BMPER: variants seen among roughly 807,000 people sequenced by gnomAD.
BMPER encodes BMP binding endothelial regulator, also known as BMP-binding endothelial regulator protein.
Under a neutral mutation model 87.3 loss-of-function variants are expected in BMPER, and 45 were observed. The observed-to-expected ratio is 0.52, with a 90% CI of 0.41 to 0.66. The LOEUF (loss-of-function observed/expected upper bound fraction) is 0.66. Ranked by LOEUF, BMPER falls within the 30% of genes least tolerant of loss-of-function variation. BMPER has a pLI of 0.00. For synonymous variants in BMPER, 326 were observed against 316.2 expected, an observed-to-expected ratio of 1.03 and a Z score of -0.33; for missense variants, 784 against 867.5, an observed-to-expected ratio of 0.90 and a Z score of 1.21.
intron 8 of BMPER, among the ~76,000 whole-genome samples, chr7:34,054,380 A>C (rs1270400328): frequency 2.0e-5 from 3 of 152,208 alleles, no homozygotes; most frequent in South Asian, 2.1e-4. Flanking sequence ...TTAAACAAGA[A>C]ATCAAGATAT....
At chr7:34,042,174 C>T (rs777130820) in intron 6 of BMPER, among the ~76,000 whole-genome samples, 5 of 152,028 alleles carry the variant, frequency 3.3e-5, no homozygotes, top group East Asian at 3.9e-4. Flanking sequence ...AATAAAGGAG[C>T]GGAAATAGAC....
At chr7:33,934,101 C>T (rs1190444114) in intron 2 of BMPER, among the ~76,000 whole-genome samples, 1 of 152,208 alleles carries the variant, frequency 6.6e-6, no homozygotes, top group African/African-American at 2.4e-5. Context: ...GGGGATGAGG[C>T]AGCCCAGGGG....
At chr7:33,925,652 A>G (rs1183483678) in intron 2 of BMPER, among the ~76,000 whole-genome samples, 2 of 152,240 alleles carry the variant, frequency 1.3e-5, no homozygotes. Context: ...ACAATTTCAT[A>G]GAGCAAGAAA....
At chr7:34,124,554 T>C (rs1200087604) in intron 13 of BMPER, among the ~76,000 whole-genome samples, 1 of 152,136 alleles carries the variant, frequency 6.6e-6, no homozygotes, top group African/African-American at 2.4e-5. Context: ...AAAACTGTTT[T>C]TATAGCTGAT....
chr7:33,963,192 A>G (rs1440932868), intron 3 of BMPER, among the ~76,000 whole-genome samples: 1 of 152,154 alleles, frequency 6.6e-6, no homozygotes, highest in African/African-American at 2.4e-5. Context: ...TTCTATTCTA[A>G]ACGTCAACAC....
intron 7 of BMPER, among the ~76,000 whole-genome samples, chr7:34,047,497 TC>T (rs1464977176): frequency 6.6e-6 from 1 of 152,056 alleles, no homozygotes; most frequent in African/African-American, 2.4e-5. Flanking sequence ...CTGGATGGTC[TC>T]GATCTCCTGA....
chr7:33,910,994 A>C (rs1783946586), intron 2 of BMPER, among the ~76,000 whole-genome samples: 1 of 152,238 alleles, frequency 6.6e-6, no homozygotes, highest in Non-Finnish European at 1.5e-5. Context: ...GTGTGTATGC[A>C]CGTGTGAAAC....
chr7:33,966,226 A>T (rs1412304957), intron 3 of BMPER, among the ~76,000 whole-genome samples: 1 of 152,200 alleles, frequency 6.6e-6, no homozygotes, highest in Non-Finnish European at 1.5e-5. Context: ...AGAGTTCATC[A>T]ATCTATGGCT....
At chr7:33,998,347 C>G (rs988468030) in intron 6 of BMPER, among the ~76,000 whole-genome samples, 3 of 152,146 alleles carry the variant, frequency 2.0e-5, no homozygotes, top group South Asian at 4.2e-4. Context: ...CTCTAATGGG[C>G]CCTTCTATGG....
chr7:34,001,048 C>CT (rs1040360825), intron 6 of BMPER, among the ~76,000 whole-genome samples: 14 of 151,486 alleles, frequency 9.2e-5, no homozygotes, highest in Non-Finnish European at 1.5e-4. Flanking sequence ...CATGCTATAT[C>CT]TTTTTTTTAT....
intron 12 of BMPER, 105 bp downstream of exon 12, chr7:34,079,291 C>A: frequency 6.9e-7 from 1 of 1,457,066 alleles, no homozygotes; most frequent in Non-Finnish European, 9.4e-7. Context: ...CTCCTCCGAG[C>A]AAAAACCCAA....
At chr7:34,120,544 G>A (rs900816747) in intron 13 of BMPER, among the ~76,000 whole-genome samples, 32 of 152,078 alleles carry the variant, frequency 2.1e-4, no homozygotes, top group African/African-American at 7.0e-4. Context: ...AATTACAGGC[G>A]TGCACCATCA....
At chr7:33,954,447 A>C (rs1256577178) in intron 3 of BMPER, among the ~76,000 whole-genome samples, 1 of 152,170 alleles carries the variant, frequency 6.6e-6, no homozygotes, top group Non-Finnish European at 1.5e-5. Context: ...GTTTTTGTTG[A>C]TATCACATTA....
intron 6 of BMPER, among the ~76,000 whole-genome samples, chr7:34,024,390 T>A (rs56110632): frequency 0.024 from 156 of 6,468 alleles, no homozygotes; most frequent in African/African-American, 0.09. Context: ...AAACAATATA[T>A]ATATATATAT....
Position 34,085,764 on chromosome 7 carries a change from A to G in BMPER, c.1417A>G (p.Ile473Val), listed in dbSNP as rs1268108592. The G allele has an allele frequency of 2.5e-6, 4 of 1,613,936 alleles. No homozygotes were observed. The highest frequency in any genetic ancestry group is 2.5e-6 in the Non-Finnish European group (3 of 1,179,840). ...CTCTCCTCCTCCTCTAGGTTTGGAA[A>G]TATCTTGGGATGGAGACAGTTTTGT... ...LKVTTKAGLE[I>V]SWDGDSFVEV... is the part of the protein sequence containing the mutation. The change falls in exon 13 of 15, where the codon ATA becomes GTA. Residue 473 changes from isoleucine to valine, a missense_variant. Physicochemically the swap from Ile to Val is conservative, Grantham distance 29 (BLOSUM62 3). Transcript: ENST00000649409.
At chr7:33,905,940 C>G (rs1562621831) in intron 1 of BMPER, among the ~76,000 whole-genome samples, 194 bp downstream of exon 1, 1 of 152,212 alleles carries the variant, frequency 6.6e-6, no homozygotes, top group Non-Finnish European at 1.5e-5. Context: ...GGCTGAGAGG[C>G]TGTTGCCTTC....
chr7:33,948,748 A>G (rs951169452), intron 3 of BMPER, among the ~76,000 whole-genome samples: 4 of 152,206 alleles, frequency 2.6e-5, no homozygotes, highest in African/African-American at 9.6e-5. Context: ...CTTCCCAGCC[A>G]TGCCTTCTGT....
chr7:34,015,251 A>G (rs1786988522), intron 6 of BMPER, among the ~76,000 whole-genome samples: 1 of 151,986 alleles, frequency 6.6e-6, no homozygotes, highest in South Asian at 2.1e-4. Context: ...ACCTTGGACA[A>G]GTTACTTAAC....
intron 6 of BMPER, among the ~76,000 whole-genome samples, chr7:33,984,379 T>C (rs1428391733): frequency 6.6e-6 from 1 of 151,880 alleles, no homozygotes; most frequent in Non-Finnish European, 1.5e-5. Context: ...GGCAGGAGAA[T>C]CACTTCAATC....
Sources: gnomAD v4.1 joint callset for allele counts (sites outside exome capture counted in the v4.1 genomes callset) on GRCh38, gnomAD v4.1.1 for gene constraint, MANE v1.5 for transcripts, NCBI Gene and HGNC (gene_info 2026-07-23, HGNC 2026-07-21) for gene names.